The following KCNK13 variants were observed in gnomAD, a reference collection of about 807,000 sequenced individuals.
The protein encoded by KCNK13 is potassium channel subfamily K member 13.
A neutral mutation model predicts 23.4 loss-of-function variants in KCNK13; 12 were observed. The observed-to-expected ratio is 0.51, with a 90% confidence interval of 0.33 to 0.83. The LOEUF (loss-of-function observed/expected upper bound fraction) is 0.83. Ranked by LOEUF, KCNK13 falls within the 40% of genes least tolerant of loss-of-function variation. The pLI, the probability that KCNK13 is intolerant of heterozygous loss-of-function variation, is 0.02. For synonymous variants in KCNK13, 231 were observed against 229.5 expected, an observed-to-expected ratio of 1.01 and a Z score of -0.06; for missense variants, 463 against 556.3, an observed-to-expected ratio of 0.83 and a Z score of 1.69.
At chr14:90,128,077 T>G (rs553997238) in intron 1 of KCNK13, among the ~76,000 whole-genome samples, 9 of 152,240 alleles carry the variant, frequency 5.9e-5, no homozygotes, top group Admixed American at 5.2e-4. Context: ...GGAGGCAATT[T>G]TAAATCAGTC....
intron 1 of KCNK13, among the ~76,000 whole-genome samples, chr14:90,144,896 C>A (rs943605305): frequency 3.0e-4 from 46 of 152,198 alleles, no homozygotes; most frequent in Admixed American, 2.2e-3. Context: ...AAAGCATTGT[C>A]TCTCATCATT....
chr14:90,128,036 A>T (rs1254094346), intron 1 of KCNK13, among the ~76,000 whole-genome samples: 1 of 152,092 alleles, frequency 6.6e-6, no homozygotes, highest in Admixed American at 6.5e-5. Flanking sequence ...GTTAAATAAG[A>T]CCATTTAGAA....
chr14:90,137,194 A>G (rs1889947276), intron 1 of KCNK13, among the ~76,000 whole-genome samples: 1 of 152,122 alleles, frequency 6.6e-6, no homozygotes, highest in South Asian at 2.1e-4. Flanking sequence ...ACTGCACCCC[A>G]CTGCATTTCC....
At chr14:90,064,853 G>A (rs12880116) in intron 1 of KCNK13, among the ~76,000 whole-genome samples, 23,795 of 152,080 alleles carry the variant, frequency 0.16, 2,424 homozygotes, top group Non-Finnish European at 0.22. Flanking sequence ...CCTTTATCAG[G>A]CCCGTATTAG....
At chr14:90,072,267 C>G (rs1479024094) in intron 1 of KCNK13, among the ~76,000 whole-genome samples, 1 of 152,208 alleles carries the variant, frequency 6.6e-6, no homozygotes, top group Non-Finnish European at 1.5e-5. Flanking sequence ...CTAATCAGCT[C>G]TCCTGTGTCT....
At chr14:90,064,505 G>C (rs1011324300) in intron 1 of KCNK13, among the ~76,000 whole-genome samples, 4 of 152,174 alleles carry the variant, frequency 2.6e-5, no homozygotes, top group African/African-American at 9.7e-5. Context: ...TGGACAAAGA[G>C]TCTGGAGTGG....
At chr14:90,076,518 C>A (rs1375850748) in intron 1 of KCNK13, among the ~76,000 whole-genome samples, 1 of 152,216 alleles carries the variant, frequency 6.6e-6, no homozygotes, top group Non-Finnish European at 1.5e-5. Flanking sequence ...GATTGTCCCC[C>A]AACCCCCATC....
intron 1 of KCNK13, among the ~76,000 whole-genome samples, chr14:90,063,700 CCTT>C (rs1318749956): frequency 1.3e-5 from 2 of 152,180 alleles, no homozygotes; most frequent in Non-Finnish European, 2.9e-5. Flanking sequence ...AGTTGAGCCT[CCTT>C]GAGGCTCCCA....
At chr14:90,150,731 G>A (rs997524681) in intron 1 of KCNK13, among the ~76,000 whole-genome samples, 1 of 152,222 alleles carries the variant, frequency 6.6e-6, no homozygotes, top group African/African-American at 2.4e-5. Flanking sequence ...AATCCCCAGT[G>A]TTGGAGGTGG....
intron 1 of KCNK13, among the ~76,000 whole-genome samples, chr14:90,174,708 G>A (rs1890404112): frequency 6.6e-6 from 1 of 151,934 alleles, no homozygotes; most frequent in Non-Finnish European, 1.5e-5. Context: ...CCAAAAATTG[G>A]TTTTGTTTGG....
chr14:90,101,810 A>AAAAAAAAAAAAAAAAAAAAAAAAC (rs1465117776), intron 1 of KCNK13, among the ~76,000 whole-genome samples: 1 of 149,318 alleles, frequency 6.7e-6, no homozygotes, highest in African/African-American at 2.5e-5. Context: ...AAAAAAAAAA[A>AAAAAAAAAAAAAAAAAAAAAAAAC]AACCTCACAA....
At chr14:90,101,109 G>A (rs535937588) in intron 1 of KCNK13, among the ~76,000 whole-genome samples, 1 of 152,252 alleles carries the variant, frequency 6.6e-6, no homozygotes, top group African/African-American at 2.4e-5. Context: ...CAGTTTCTCA[G>A]TCTGTAACAT....
intron 1 of KCNK13, among the ~76,000 whole-genome samples, chr14:90,166,810 A>G (rs1890309249): frequency 6.6e-6 from 1 of 152,110 alleles, no homozygotes; most frequent in South Asian, 2.1e-4. Flanking sequence ...TCCTCCCCAG[A>G]ATCCTGGGAT....
intron 1 of KCNK13, among the ~76,000 whole-genome samples, chr14:90,167,515 C>G (rs1483856901): frequency 6.6e-6 from 1 of 152,196 alleles, no homozygotes; most frequent in Non-Finnish European, 1.5e-5. Flanking sequence ...ATGCAGGGAA[C>G]TGGATTCAAT....
At chr14:90,079,923 CA>C (rs1021339731) in intron 1 of KCNK13, among the ~76,000 whole-genome samples, 2 of 152,100 alleles carry the variant, frequency 1.3e-5, no homozygotes, top group African/African-American at 2.4e-5. Context: ...TGTTGGGAGG[CA>C]CACAACTGAA....
chr14:90,108,631 G>C (rs1332759141), intron 1 of KCNK13, among the ~76,000 whole-genome samples: 65 of 152,184 alleles, frequency 4.3e-4, no homozygotes, highest in Admixed American at 4.2e-3. Flanking sequence ...GACTCAACTG[G>C]AGAAATCATA....
chr14:90,183,686 G>T (rs1316691992), intron 1 of KCNK13, among the ~76,000 whole-genome samples: 1 of 152,208 alleles, frequency 6.6e-6, no homozygotes, highest in Non-Finnish European at 1.5e-5. Context: ...GAATTCTGAT[G>T]AGTCTGTATA....
At chr14:90,161,375 A>G (rs1890251598) in intron 1 of KCNK13, among the ~76,000 whole-genome samples, 1 of 152,168 alleles carries the variant, frequency 6.6e-6, no homozygotes, top group Non-Finnish European at 1.5e-5. Flanking sequence ...GCTAGTGGTG[A>G]TTGTACACAT....
intron 1 of KCNK13, among the ~76,000 whole-genome samples, chr14:90,174,513 A>T (rs893286143): frequency 7.2e-5 from 11 of 151,930 alleles, no homozygotes; most frequent in Middle Eastern, 6.3e-3. Flanking sequence ...AGATTCAAAG[A>T]TTTTCCAATT....
Sources: gnomAD v4.1 joint callset for allele counts (sites outside exome capture counted in the v4.1 genomes callset) on GRCh38, gnomAD v4.1.1 for gene constraint, MANE v1.5 for transcripts, NCBI Gene and HGNC (gene_info 2026-07-23, HGNC 2026-07-21) for gene names.